DDX4: variants seen among roughly 807,000 people sequenced by gnomAD.
The protein encoded by DDX4 is DEAD-box helicase 4.
Under a neutral mutation model 100.0 loss-of-function variants are expected in DDX4, and 25 were observed. The observed-to-expected ratio is 0.25, with a 90% CI of 0.18 to 0.35. The LOEUF is 0.35. DDX4 is among the 10% of genes least tolerant of loss of function. The pLI, the probability that DDX4 is intolerant of heterozygous loss-of-function variation, is 1.00. For synonymous variants in DDX4, 259 were observed against 275.7 expected (o/e 0.94, Z 0.60); for missense variants, 635 against 882.4 (o/e 0.72, Z 3.55).
chr5:55,755,177 GCA>G (rs1759846142), intron 3 of DDX4, among the ~76,000 whole-genome samples: 1 of 152,076 alleles, frequency 6.6e-6, no homozygotes, highest in Non-Finnish European at 1.5e-5. Flanking sequence ...TTGTCTTAAA[GCA>G]TTGGATAAAA....
chr5:55,774,281 A>G (rs1358600984), intron 7 of DDX4, among the ~76,000 whole-genome samples: 1 of 151,918 alleles, frequency 6.6e-6, no homozygotes, highest in Non-Finnish European at 1.5e-5. Flanking sequence ...CCTCCTGAGT[A>G]GCTGGGACTA....
intron 10 of DDX4, among the ~76,000 whole-genome samples, chr5:55,783,393 A>T (rs1173325554): frequency 6.6e-6 from 1 of 152,082 alleles, no homozygotes; most frequent in East Asian, 1.9e-4. Flanking sequence ...ACATATAAAA[A>T]ATGTTACATC....
chr5:55,802,902 C>T (rs115977125), intron 18 of DDX4, among the ~76,000 whole-genome samples: 292 of 152,094 alleles, frequency 1.9e-3, no homozygotes, highest in African/African-American at 6.4e-3. Context: ...TTAAAAAATA[C>T]TAGGCAAAAA....
At chr5:55,765,413 A>AAAATATATATATATATAT (rs1392558099) in intron 6 of DDX4, among the ~76,000 whole-genome samples, 5 of 83,040 alleles carry the variant, frequency 6.0e-5, no homozygotes, top group African/African-American at 1.7e-4. Context: ...AAAAAAAAAA[A>AAAATATATATATATATAT]ATATATATAT....
chr5:55,758,614 A>G (rs375412082), intron 3 of DDX4, among the ~76,000 whole-genome samples: 15 of 151,994 alleles, frequency 9.9e-5, no homozygotes, highest in South Asian at 6.2e-4. Flanking sequence ...TGGTGAGTCA[A>G]TTTTCTAGGA....
In DDX4 at chr5:55,806,333, G is replaced by T. The variant is rs1349021145; in HGVS notation, c.1616-7340G>T. Among the ~76,000 whole-genome samples the T allele has an allele frequency of 7.2e-5, 11 of 152,046 alleles. 1 individual carries two copies. The South Asian group carries it at 2.1e-3, about 29-fold the overall frequency. On this transcript the variant is annotated intron_variant, in intron 18 of 21. Transcript: ENST00000505374. ...TTTGTCTCTTATTTCCTTCAGTTCT[G>T]CTCTGATCTTAGTTATTTCTTGCCA... is the stretch of plus-strand genomic sequence containing the variant.
intron 19 of DDX4, among the ~76,000 whole-genome samples, chr5:55,814,198 C>T (rs565483905): frequency 6.6e-6 from 1 of 152,238 alleles, no homozygotes; most frequent in South Asian, 2.1e-4. Context: ...TAAAATATCA[C>T]GTAGTATATA....
chr5:55,811,032 T>G (rs1387995477), intron 18 of DDX4, among the ~76,000 whole-genome samples: 1 of 151,832 alleles, frequency 6.6e-6, no homozygotes, highest in Non-Finnish European at 1.5e-5. Context: ...CTTTTTTTTT[T>G]TTTAAACAGA....
intron 18 of DDX4, among the ~76,000 whole-genome samples, chr5:55,801,462 C>G (rs1743300185): frequency 6.6e-6 from 1 of 152,138 alleles, no homozygotes; most frequent in South Asian, 2.1e-4. Flanking sequence ...TGCATTTTTA[C>G]TGAGAATCAT....
At chr5:55,796,683 C>G (rs1299345416) in intron 17 of DDX4, among the ~76,000 whole-genome samples, 8 of 151,964 alleles carry the variant, frequency 5.3e-5, no homozygotes, top group African/African-American at 1.9e-4. Flanking sequence ...ATTTTACTTT[C>G]CTCATTATTT....
intron 15 of DDX4, among the ~76,000 whole-genome samples, chr5:55,788,706 G>A (rs992675448): frequency 1.3e-5 from 2 of 151,992 alleles, no homozygotes; most frequent in Non-Finnish European, 2.9e-5. Context: ...CTGTTCTGAG[G>A]TATTTAGGTT....
intron 7 of DDX4, among the ~76,000 whole-genome samples, chr5:55,768,330 T>C (rs1467634239): frequency 6.6e-6 from 1 of 152,212 alleles, no homozygotes; most frequent in African/African-American, 2.4e-5. Context: ...CCCTTCTTTG[T>C]GTCCATGTGT....
chr5:55,772,858 C>A (rs1424597680), intron 7 of DDX4, among the ~76,000 whole-genome samples: 2 of 151,990 alleles, frequency 1.3e-5, no homozygotes, highest in Non-Finnish European at 2.9e-5. Context: ...CCAAATAAAC[C>A]TTTTTTTTCA....
In DDX4 at chr5:55,738,974, A is replaced by G; in HGVS notation, c.11A>G (p.Glu4Gly). 1 of 1,602,844 alleles carries G rather than the reference A, an allele frequency of 6.2e-7. No homozygotes were observed. The highest frequency in any genetic ancestry group is 8.5e-7 in the Non-Finnish European group (1 of 1,170,436). Residue 4 changes from glutamate (E) to glycine (G), a missense_variant, in exon 2 of 22, where the codon GAA (glutamate) becomes GGA (glycine). Physicochemically the swap from Glu to Gly is moderately conservative, Grantham distance 98. Around this residue, in one of 4 missense-constraint regions of DDX4, gnomAD observed 446 missense variants for 540.8 expected, o/e 0.82. Coordinates refer to ENST00000505374, the MANE Select transcript of DDX4 (RefSeq NM_024415.3). MGDEDWEAEINPHM... is the reference protein window; with the variant it reads MGDGDWEAEINPHM... ...GAACTTGAAGCCACCATGGGAGATG[A>G]AGATTGGGAAGCAGAAATCAACCCT...
At chr5:55,741,008 A>G (rs569585316) in intron 2 of DDX4, among the ~76,000 whole-genome samples, 53 of 152,300 alleles carry the variant, frequency 3.5e-4, no homozygotes, top group Admixed American at 1.2e-3. Context: ...GACATTTTTT[A>G]TCATTCTTTT....
intron 18 of DDX4, among the ~76,000 whole-genome samples, chr5:55,807,289 T>C (rs568010030): frequency 1.3e-5 from 2 of 152,192 alleles, no homozygotes; most frequent in South Asian, 4.2e-4. Flanking sequence ...TTGCCAGTCT[T>C]TGTCTTTTAA....
intron 2 of DDX4, among the ~76,000 whole-genome samples, chr5:55,743,455 A>C (rs919715204): frequency 6.6e-6 from 1 of 152,208 alleles, no homozygotes; most frequent in East Asian, 1.9e-4. Context: ...TTTGAGACAG[A>C]GACTTGTTCT....
At chr5:55,754,548 T>C (rs898726863) in intron 3 of DDX4, among the ~76,000 whole-genome samples, 3 of 149,770 alleles carry the variant, frequency 2.0e-5, no homozygotes, top group Non-Finnish European at 3.0e-5. Flanking sequence ...GGATAAGCTT[T>C]TTGATGTGCT....
intron 10 of DDX4, 175 bp downstream of exon 10, chr5:55,782,156 C>T: frequency 1.6e-6 from 1 of 640,254 alleles, no homozygotes; most frequent in Admixed American, 2.8e-5. Flanking sequence ...TAGATAGTTC[C>T]TTAATACCCT....
Sources: allele counts gnomAD v4.1 joint callset (sites outside exome capture counted in the v4.1 genomes callset), GRCh38; gene constraint gnomAD v4.1.1; regional missense constraint gnomAD v4.1.1; transcripts MANE v1.5; gene names NCBI Gene and HGNC (gene_info 2026-07-23, HGNC 2026-07-21).